The following ANXA5 variants were observed in gnomAD, a reference collection of about 807,000 sequenced individuals.
ANXA5 encodes annexin A5.
ANXA5 carries 40 observed loss-of-function variants against 48.1 expected under a neutral mutation model. The observed-to-expected ratio is 0.83, with a 90% CI of 0.65 to 1.08. The LOEUF (loss-of-function observed/expected upper bound fraction) is 1.08, where lower values mean the gene tolerates loss of function less well. ANXA5 is among the 50% of genes least tolerant of loss of function. ANXA5 has a pLI of 0.00. For synonymous variants in ANXA5, 113 were observed against 129.1 expected, an observed-to-expected ratio of 0.88 and a Z score of 0.85; for missense variants, 357 against 376.8, an observed-to-expected ratio of 0.95 and a Z score of 0.44.
At chr4:121,687,154 A>G (rs1388951457) in intron 2 of ANXA5, among the ~76,000 whole-genome samples, 1 of 151,782 alleles carries the variant, frequency 6.6e-6, no homozygotes, top group East Asian at 1.9e-4. Context: ...AAAAAAATTA[A>G]CCGGGTGTGG....
chr4:121,696,364 T>C (rs1725081672), intron 2 of ANXA5, among the ~76,000 whole-genome samples: 2 of 151,348 alleles, frequency 1.3e-5, no homozygotes, highest in South Asian at 4.2e-4. Context: ...CTTGGCGGCG[T>C]CGGTGCTGGT....
chr4:121,687,842 T>C (rs185154917), intron 2 of ANXA5, among the ~76,000 whole-genome samples: 4 of 152,290 alleles, frequency 2.6e-5, no homozygotes, highest in African/African-American at 9.6e-5. Flanking sequence ...TCTTCTCAAC[T>C]AGTCCTTGTC....
At chr4:121,694,762 CTG>C (rs957533950) in intron 2 of ANXA5, among the ~76,000 whole-genome samples, 11 of 151,816 alleles carry the variant, frequency 7.2e-5, no homozygotes, top group South Asian at 2.1e-4. Context: ...ATTTAACACT[CTG>C]TATCTTTTTT....
In ANXA5 at chr4:121,669,033, G is replaced by A. The variant is rs1289326661; in HGVS notation, c.904-506C>T. On this transcript the variant is annotated intron_variant, in intron 12 of 12. Transcript: ENST00000296511. ...TCAATTGAAATCTTGCTTTGCACATGGTCCACATTAACCTTTACTGGAAAA... is the reference window on the plus strand; with the variant it reads ...TCAATTGAAATCTTGCTTTGCACATAGTCCACATTAACCTTTACTGGAAAA... 6.1e-5 allele frequency among the ~76,000 whole-genome samples: 9 copies of A among 148,384 alleles called. No individual in the cohort carries two copies. In the South Asian group the frequency reaches 8.9e-4, roughly 15 times the overall value.
At chr4:121,686,202 A>G in intron 3 of ANXA5, 86 bp downstream of exon 3, 1 of 1,021,462 alleles carries the variant, frequency 9.8e-7, no homozygotes. Flanking sequence ...AGATCAAAAT[A>G]TTCTAAAATT....
In ANXA5 at chr4:121,668,411, G is replaced by C. The variant is rs1724555556; in HGVS notation, c.*57C>G. On this transcript the variant is annotated 3_prime_UTR_variant, in exon 13 of 13. Coordinates refer to ENST00000296511, the MANE Select transcript of ANXA5 (RefSeq NM_001154.4). ...GCATACAAATGCAGCTAAAGGTGCT[G>C]AAGGAAGGCAGTGGGGTGGTGCAGG... 6.6e-7 allele frequency: 1 copy of C among 1,514,338 alleles called. No homozygotes were observed. The highest frequency in any genetic ancestry group is 1.1e-5 in the South Asian group (1 of 89,042). 93.8% of individuals were successfully genotyped at this position (1,514,338 alleles called of 1,614,324 possible). A position where few individuals can be genotyped will look rare whatever the true frequency, so the allele number is the denominator to read the frequency against.
chr4:121,696,247 T>A (rs949482202), intron 2 of ANXA5, among the ~76,000 whole-genome samples: 2 of 152,166 alleles, frequency 1.3e-5, no homozygotes, highest in South Asian at 4.1e-4. Flanking sequence ...GGTTCTAATT[T>A]GAGCTACTCT....
rs138108360 is a variant in ANXA5, at chr4:121,675,185, A to T, written c.532-2559T>A. On this transcript the variant is annotated intron_variant, in intron 8 of 12. Transcript: ENST00000296511. Reference sequence around the variant, plus strand: ...TGTTTTAATGCATTAAAAGTATTAAATCAATTTAACACATTAAAAATGTTA... The same window carrying T: ...TGTTTTAATGCATTAAAAGTATTAATTCAATTTAACACATTAAAAATGTTA... Among the ~76,000 whole-genome samples the T allele has an allele frequency of 6.4e-3, 982 of 152,364 alleles. 12 individuals are homozygous for T. Among genetic ancestry groups the T allele is most frequent in the African/African-American group, 0.022 (930 of 41,582 alleles).
At chr4:121,695,279 AGAG>A (rs1312594042) in intron 2 of ANXA5, among the ~76,000 whole-genome samples, 1 of 152,258 alleles carries the variant, frequency 6.6e-6, no homozygotes, top group Non-Finnish European at 1.5e-5. Flanking sequence ...TAAGTGCAAA[AGAG>A]GAGGTAAGAA....
intron 2 of ANXA5, among the ~76,000 whole-genome samples, chr4:121,692,052 C>T (rs1578449650): frequency 6.6e-6 from 1 of 152,152 alleles, no homozygotes; most frequent in East Asian, 1.9e-4. Flanking sequence ...TAGTTCAAAG[C>T]GTTAAACTCG....
rs547138741 is a variant in ANXA5, at chr4:121,681,758, C to G, written c.307G>C (p.Ala103Pro). The change falls in exon 6 of 13, where the codon GCT (alanine) becomes CCT (proline). Residue 103 changes from alanine (A) to proline (P), a missense_variant. Transcript: ENST00000296511. ...GTCAGTACTTTTTCATTTGTTCCAG[C>G]TCCCTGTTTGGAGATTTTAATAGAG... Reference protein sequence around the residue: ...AYELKHALKGAGTNEKVLTEI... With the variant: ...AYELKHALKGPGTNEKVLTEI... The G allele has an allele frequency of 1.1e-5, 18 of 1,609,546 alleles. No homozygotes were observed. The highest frequency in any genetic ancestry group is 8.3e-5 in the Admixed American group (5 of 59,884).
At chr4:121,681,839 C>A in intron 5 of ANXA5, 78 bp from the exon 6 acceptor site, 2 of 948,388 alleles carry the variant, frequency 2.1e-6, no homozygotes, top group Non-Finnish European at 1.6e-6. Flanking sequence ...ATAGATGTTA[C>A]CCAAATTGCA....
rs546053756 is a variant in ANXA5 at position 121,695,096 on chromosome 4, A to G, written c.9+1485T>C. ...TGCTAAATGAGCAAAGATAGAGGGA[A>G]TTATTATTCGATGCTTGTTAAATCT... On this transcript the variant is annotated intron_variant, in intron 2 of 12. Coordinates refer to ENST00000296511, the MANE Select transcript of ANXA5 (RefSeq NM_001154.4). Among the ~76,000 whole-genome samples, 8 of 152,344 alleles carry G rather than the reference A, an allele frequency of 5.3e-5. No individual in the cohort carries two copies. In the East Asian group the frequency reaches 7.7e-4, roughly 15 times the overall value.
intron 2 of ANXA5, among the ~76,000 whole-genome samples, chr4:121,695,447 C>T (rs1560591433): frequency 6.6e-6 from 1 of 152,102 alleles, no homozygotes; most frequent in Non-Finnish European, 1.5e-5. Context: ...GCAGTTAAAA[C>T]ACTTGTTTAA....
intron 10 of ANXA5, among the ~76,000 whole-genome samples, chr4:121,671,343 G>T (rs1159502686): frequency 6.6e-6 from 1 of 152,092 alleles, no homozygotes; most frequent in Non-Finnish European, 1.5e-5. Context: ...TATTTCCATA[G>T]GATTTAGATG....
chr4:121,677,054 A>G (rs978051939), intron 8 of ANXA5, among the ~76,000 whole-genome samples: 4 of 152,126 alleles, frequency 2.6e-5, no homozygotes, highest in African/African-American at 9.7e-5. Flanking sequence ...AACCATTATA[A>G]AATCAACCTA....
chr4:121,681,559 C>G lies in ANXA5; in HGVS notation c.394+112G>C, dbSNP rs566312866. ...CAGGTCATTCATTCATTCATTCATT[C>G]ATCCATCATTTACTGCGTGCCTCCC... On this transcript the variant is annotated intron_variant, in intron 6 of 12. Coordinates refer to ENST00000296511, the MANE Select transcript of ANXA5 (RefSeq NM_001154.4). 1.5e-4 allele frequency: 86 copies of G among 587,230 alleles called. No homozygotes were observed. The African/African-American group carries it at 1.5e-3, about 10-fold the overall frequency. The allele number at this position is 587,230 out of a possible 1,614,324, so 36.4% of individuals were successfully genotyped here.
At position 121,695,970 on chromosome 4, in the gene ANXA5, C is replaced by T. The variant is rs555898998; in HGVS notation, c.9+611G>A. On this transcript the variant is annotated intron_variant, in intron 2 of 12. Coordinates refer to ENST00000296511, the MANE Select transcript of ANXA5 (RefSeq NM_001154.4). ...AGATTATCAATTTCTGAAACAGTCCCAAGGCAAATTCAATTGAGAACTCGT... is the reference window on the plus strand; with the variant it reads ...AGATTATCAATTTCTGAAACAGTCCTAAGGCAAATTCAATTGAGAACTCGT... Among the ~76,000 whole-genome samples, 4 of 151,438 alleles carry T rather than the reference C, an allele frequency of 2.6e-5. 1 individual carries two copies. The South Asian group carries it at 8.3e-4, about 32-fold the overall frequency.
chr4:121,678,602 G>C, intron 6 of ANXA5, 108 bp from the exon 7 acceptor site: 1 of 908,530 alleles, frequency 1.1e-6, no homozygotes, highest in Non-Finnish European at 1.7e-6. Flanking sequence ...AATTATATTT[G>C]GTTAACATAA....
Sources: allele counts gnomAD v4.1 joint callset (sites outside exome capture counted in the v4.1 genomes callset), GRCh38; gene constraint gnomAD v4.1.1; transcripts MANE v1.5; gene names NCBI Gene and HGNC (gene_info 2026-07-23, HGNC 2026-07-21).